The following WDR17 variants were observed in gnomAD, a reference collection of about 807,000 sequenced individuals.
WDR17 encodes the protein WD repeat domain 17.
WDR17 carries 143 observed loss-of-function variants against 161.7 expected under a neutral mutation model. That is an observed-to-expected ratio of 0.88 (90% CI 0.77 to 1.02). The LOEUF (loss-of-function observed/expected upper bound fraction) is 1.02, where lower values mean the gene tolerates loss of function less well. Among genes scored for constraint, WDR17 ranks in the 50% least tolerant of loss-of-function variants. The probability of loss-of-function intolerance (pLI) is 0.00; values close to 1 mark genes in which losing one functional copy is unlikely to be tolerated. For synonymous variants in WDR17, 517 were observed against 515.6 expected (o/e 1.00, Z -0.04); for missense variants, 1,469 against 1,520.9 (o/e 0.97, Z 0.57).
At chr4:176,161,035 T>G (rs1291934679) in intron 20 of WDR17, 33 bp downstream of exon 20, 1 of 1,545,690 alleles carries the variant, frequency 6.5e-7, no homozygotes, top group Non-Finnish European at 8.8e-7. Flanking sequence ...GTCCATATGT[T>G]TTATGGTTGT....
At chr4:176,104,855 A>C (rs1262789631) in intron 1 of WDR17, among the ~76,000 whole-genome samples, 1 of 152,066 alleles carries the variant, frequency 6.6e-6, no homozygotes, top group Non-Finnish European at 1.5e-5. Flanking sequence ...ATTGGAAATG[A>C]ATAGCAAAAT....
intron 11 of WDR17, among the ~76,000 whole-genome samples, chr4:176,143,664 G>A (rs932255291): frequency 1.6e-4 from 25 of 152,184 alleles, no homozygotes; most frequent in African/African-American, 6.0e-4. Flanking sequence ...GGGTGATAGA[G>A]CCAGACCCTG....
At chr4:176,156,293 T>C in intron 18 of WDR17, 150 bp downstream of exon 18, 1 of 747,860 alleles carries the variant, frequency 1.3e-6, no homozygotes, top group Non-Finnish European at 2.1e-6. Context: ...ATACAGTAAA[T>C]GAAATGAATC....
chr4:176,174,843 G>A (rs528233864), intron 26 of WDR17, 125 bp downstream of exon 26: 16 of 520,802 alleles, frequency 3.1e-5, no homozygotes, highest in Non-Finnish European at 4.0e-5. Context: ...TTTACTCAGC[G>A]TGTGCTTTAT....
intron 1 of WDR17, among the ~76,000 whole-genome samples, chr4:176,108,130 C>T (rs1739096416): frequency 6.6e-6 from 1 of 151,998 alleles, no homozygotes; most frequent in Non-Finnish European, 1.5e-5. Flanking sequence ...CCTTACACTC[C>T]TGGTTGCACA....
chr4:176,071,318 T>G (rs907797035), intron 1 of WDR17, among the ~76,000 whole-genome samples: 9 of 122,212 alleles, frequency 7.4e-5, no homozygotes, highest in Admixed American at 2.3e-4. Flanking sequence ...TCCCTTTTCT[T>G]TTTTCTTTTC....
At chr4:176,167,452 C>T (rs1749948272) in intron 22 of WDR17, among the ~76,000 whole-genome samples, 1 of 150,862 alleles carries the variant, frequency 6.6e-6, no homozygotes, top group Admixed American at 6.6e-5. Flanking sequence ...CGAGACCATC[C>T]TGGCTAACAC....
chr4:176,077,083 C>T (rs899327957), intron 1 of WDR17, among the ~76,000 whole-genome samples: 1 of 151,602 alleles, frequency 6.6e-6, no homozygotes, highest in African/African-American at 2.4e-5. Flanking sequence ...TTGCTTCCAC[C>T]TATAATATAT....
At chr4:176,154,223 G>A (rs1386171276) in intron 17 of WDR17, among the ~76,000 whole-genome samples, 2 of 152,142 alleles carry the variant, frequency 1.3e-5, no homozygotes, top group East Asian at 3.9e-4. Context: ...GCTTATGCCT[G>A]TAATCCCAGC....
At chr4:176,138,183 A>G (rs1334121712) in intron 9 of WDR17, among the ~76,000 whole-genome samples, 1 of 151,680 alleles carries the variant, frequency 6.6e-6, no homozygotes, top group East Asian at 1.9e-4. Context: ...ATATGATCTG[A>G]GTACAAAATA....
At chr4:176,076,531 T>C (rs1343114346) in intron 1 of WDR17, among the ~76,000 whole-genome samples, 1 of 151,426 alleles carries the variant, frequency 6.6e-6, no homozygotes, top group Non-Finnish European at 1.5e-5. Flanking sequence ...CCTTGTATAC[T>C]GTATCTTTCA....
At chr4:176,107,936 TTCC>T (rs1739044546) in intron 1 of WDR17, among the ~76,000 whole-genome samples, 2 of 149,888 alleles carry the variant, frequency 1.3e-5, no homozygotes, top group Non-Finnish European at 1.5e-5. Context: ...TTTTCCTTCC[TTCC>T]TTCCTTATTT....
chr4:176,101,153 C>T (rs542815423), intron 1 of WDR17, among the ~76,000 whole-genome samples: 19 of 152,166 alleles, frequency 1.2e-4, no homozygotes, highest in South Asian at 2.1e-4. Flanking sequence ...TTGTCCAGAG[C>T]GTAACTCTGG....
At chr4:176,117,041 T>C (rs1740757044) in intron 3 of WDR17, among the ~76,000 whole-genome samples, 1 of 151,972 alleles carries the variant, frequency 6.6e-6, no homozygotes, top group Non-Finnish European at 1.5e-5. Context: ...GAACAACCAA[T>C]GTATTAGACA....
chr4:176,078,768 CAT>C lies in WDR17; in HGVS notation c.-7+12691_-7+12692del, dbSNP rs572003383. ...AATTAATTTATTTTGTTCATTAAAACATAGTTATATGTATTTATGGGGCACAT... is the reference window on the plus strand; with the variant it reads ...AATTAATTTATTTTGTTCATTAAAACAGTTATATGTATTTATGGGGCACAT... On this transcript the variant is annotated intron_variant, in intron 1 of 28. Transcript: ENST00000508596. Among the ~76,000 whole-genome samples, 1,131 of 152,024 alleles carry C rather than the reference CAT, an allele frequency of 7.4e-3. 11 individuals are homozygous for C. The highest frequency in any genetic ancestry group is 0.025 in the African/African-American group (1,045 of 41,462).
intron 1 of WDR17, among the ~76,000 whole-genome samples, chr4:176,089,401 AG>A (rs1735826017): frequency 6.6e-6 from 1 of 152,194 alleles, no homozygotes; most frequent in African/African-American, 2.4e-5. Flanking sequence ...ATTATTTTAT[AG>A]TACCCTAATG....
At chr4:176,066,924 C>T (rs981523242) in intron 1 of WDR17, among the ~76,000 whole-genome samples, 7 of 152,106 alleles carry the variant, frequency 4.6e-5, no homozygotes, top group African/African-American at 1.4e-4. Context: ...AGTTGCCGTT[C>T]TTAGCACTCT....
At chr4:176,173,571 C>T (rs1368444063) in intron 25 of WDR17, among the ~76,000 whole-genome samples, 1 of 152,090 alleles carries the variant, frequency 6.6e-6, no homozygotes, top group African/African-American at 2.4e-5. Context: ...GGCTGGAGTG[C>T]AGTGGCGTGA....
intron 23 of WDR17, among the ~76,000 whole-genome samples, chr4:176,170,429 C>G (rs1750558717): frequency 1.3e-5 from 2 of 151,576 alleles, no homozygotes; most frequent in Non-Finnish European, 2.9e-5. Flanking sequence ...GATTCTCCTG[C>G]CCCACCCTCC....
Sources: allele counts gnomAD v4.1 joint callset (sites outside exome capture counted in the v4.1 genomes callset), GRCh38; gene constraint gnomAD v4.1.1; transcripts MANE v1.5; gene names NCBI Gene and HGNC (gene_info 2026-07-23, HGNC 2026-07-21).